SLC5A11: variants seen among roughly 807,000 people sequenced by gnomAD.
SLC5A11 encodes the protein sodium/myo-inositol cotransporter 2.
SLC5A11 carries 48 observed loss-of-function variants against 69.8 expected under a neutral mutation model. The ratio of observed to expected loss-of-function variants is 0.69; its 90% CI spans 0.55 to 0.87. The LOEUF (loss-of-function observed/expected upper bound fraction) is 0.87. Ranked by LOEUF, SLC5A11 falls within the 40% of genes least tolerant of loss-of-function variation. SLC5A11 has a pLI of 0.00. For synonymous variants in SLC5A11, 319 were observed against 342.4 expected (o/e 0.93, Z 0.75); for missense variants, 784 against 866.1 (o/e 0.91, Z 1.19).
At chr16:24,905,858 T>C (rs1055199105) in intron 10 of SLC5A11, among the ~76,000 whole-genome samples, 2 of 151,448 alleles carry the variant, frequency 1.3e-5, no homozygotes, top group South Asian at 4.2e-4. Flanking sequence ...TCTTCCCCCA[T>C]AGAGTTGTGA....
At chr16:24,862,606 A>T (rs765193720) in exon 3 of SLC5A11, 4 of 1,611,778 alleles carry the variant, frequency 2.5e-6, no homozygotes, top group Non-Finnish European at 8.5e-7. Flanking sequence ...TTCAGTCCAC[A>T]GTGAAGACCA....
At chr16:24,854,345 C>A (rs752795657) in intron 1 of SLC5A11, among the ~76,000 whole-genome samples, 1 of 152,176 alleles carries the variant, frequency 6.6e-6, no homozygotes, top group Non-Finnish European at 1.5e-5. Context: ...AGACTGGATT[C>A]GAGTCCCAGC....
At chr16:24,896,613 A>G (rs77200295) in intron 9 of SLC5A11, among the ~76,000 whole-genome samples, 6,018 of 152,242 alleles carry the variant, frequency 0.04, 407 homozygotes, top group African/African-American at 0.13. Flanking sequence ...TAAGTATTCT[A>G]AGTACTTTCA....
At chr16:24,851,709 T>C (rs1266380274) in intron 1 of SLC5A11, among the ~76,000 whole-genome samples, 1 of 152,200 alleles carries the variant, frequency 6.6e-6, no homozygotes, top group Admixed American at 6.5e-5. Context: ...TGCCTACTGC[T>C]TTTTACAAAC....
intron 8 of SLC5A11, among the ~76,000 whole-genome samples, chr16:24,885,028 C>A (rs2048309415): frequency 6.6e-6 from 1 of 152,182 alleles, no homozygotes; most frequent in Admixed American, 6.5e-5. Context: ...AAGCGTGAGC[C>A]ACTGCATCCA....
intron 5 of SLC5A11, among the ~76,000 whole-genome samples, chr16:24,874,189 G>A (rs536202901): frequency 3.3e-5 from 5 of 152,246 alleles, no homozygotes. Flanking sequence ...ATGCGGTATC[G>A]TGTAGTGTGA....
At chr16:24,908,008 T>G in exon 13 of SLC5A11, 1 of 1,614,098 alleles carries the variant, frequency 6.2e-7, no homozygotes, top group African/African-American at 1.3e-5. Flanking sequence ...TCTGGATCCC[T>G]GTGGTCCAGG....
At chr16:24,909,279 C>T (rs1170717873) in intron 14 of SLC5A11, among the ~76,000 whole-genome samples, 183 bp downstream of exon 15, 1 of 152,154 alleles carries the variant, frequency 6.6e-6, no homozygotes, top group Non-Finnish European at 1.5e-5. Flanking sequence ...TGCACTTCTG[C>T]TTCAATTCTT....
intron 2 of SLC5A11, among the ~76,000 whole-genome samples, chr16:24,859,467 A>G (rs2059671624): frequency 6.6e-6 from 1 of 152,156 alleles, no homozygotes; most frequent in South Asian, 2.1e-4. Flanking sequence ...TAAAGGCAAT[A>G]CAGTCACATG....
chr16:24,911,521 C>A (rs1034765836), exon 16 of SLC5A11: 1 of 1,614,086 alleles, frequency 6.2e-7, no homozygotes, highest in Admixed American at 1.7e-5. Flanking sequence ...TTATCTGGGG[C>A]TATTTTGCTT....
intron 13 of SLC5A11, 58 bp from the exon 15 acceptor site, chr16:24,908,823 G>A: frequency 3.2e-6 from 5 of 1,552,908 alleles, no homozygotes; most frequent in Middle Eastern, 3.9e-4. Context: ...GGCTTCTTGA[G>A]GTTCCTGGAG....
chr16:24,893,670 C>T (rs12921023), intron 9 of SLC5A11, among the ~76,000 whole-genome samples: 69,295 of 151,824 alleles, frequency 0.46, 16,094 homozygotes, highest in Non-Finnish European at 0.51. Flanking sequence ...TCCTGGGTTC[C>T]GGCAATTCTC....
rs1269186860 is a variant in SLC5A11, at chr16:24,877,370, C to G, written c.583+7C>G. The G allele has an allele frequency of 6.2e-7, 1 of 1,609,596 alleles. No homozygotes were observed. Among genetic ancestry groups the G allele is most frequent in the Admixed American group, 1.7e-5 (1 of 59,924 alleles). On this transcript the variant is annotated splice_region_variant and intron_variant, in intron 7 of 15. Coordinates refer to ENST00000347898, the Ensembl canonical transcript of SLC5A11. Reference sequence around the variant, plus strand: ...GCTGTATACACGGTTGCTGGTAAGACTGAACAAAGGGTAACACCTAGCAGA... The same window carrying G: ...GCTGTATACACGGTTGCTGGTAAGAGTGAACAAAGGGTAACACCTAGCAGA...
intron 10 of SLC5A11, among the ~76,000 whole-genome samples, chr16:24,902,320 G>A (rs908566078): frequency 3.3e-5 from 5 of 151,748 alleles, no homozygotes; most frequent in Admixed American, 2.6e-4. Flanking sequence ...GAATGTAAAG[G>A]TTAAGGGGGA....
At chr16:24,903,405 G>C (rs2049794210) in intron 10 of SLC5A11, among the ~76,000 whole-genome samples, 1 of 152,062 alleles carries the variant, frequency 6.6e-6, no homozygotes, top group East Asian at 1.9e-4. Context: ...AAATTGTTGT[G>C]AATTATAGTC....
chr16:24,864,776 TTTA>T (rs1479653652), intron 3 of SLC5A11, among the ~76,000 whole-genome samples: 1 of 152,120 alleles, frequency 6.6e-6, no homozygotes, highest in South Asian at 2.1e-4. Context: ...GAGAACAATG[TTTA>T]ACTAAACAGA....
At chr16:24,884,997 C>T (rs998035236) in intron 8 of SLC5A11, among the ~76,000 whole-genome samples, 7 of 152,190 alleles carry the variant, frequency 4.6e-5, no homozygotes, top group African/African-American at 1.7e-4. Flanking sequence ...CTGCCTCGGC[C>T]TCCCAAAGTG....
At chr16:24,910,367 C>T in exon 15 of SLC5A11, 1 of 1,614,080 alleles carries the variant, frequency 6.2e-7, no homozygotes, top group Non-Finnish European at 8.5e-7. Flanking sequence ...CAAGCACCAC[C>T]AGCAGCTCCC....
At chr16:24,885,104 C>T (rs184032977) in intron 8 of SLC5A11, among the ~76,000 whole-genome samples, 2 of 152,192 alleles carry the variant, frequency 1.3e-5, no homozygotes, top group South Asian at 2.1e-4. Context: ...TCAAAATATT[C>T]GCCCAATTCT....
Sources: allele counts gnomAD v4.1 joint callset (sites outside exome capture counted in the v4.1 genomes callset), GRCh38; gene constraint gnomAD v4.1.1; transcripts MANE v1.5; gene names NCBI Gene and HGNC (gene_info 2026-07-23, HGNC 2026-07-21).